The following CD247 variants were observed in gnomAD, a reference collection of about 807,000 sequenced individuals.
CD247 encodes T-cell surface glycoprotein CD3 zeta chain.
In CD247, 13 loss-of-function variants were observed where a neutral mutation model predicts 30.0. That is an observed-to-expected ratio of 0.43 (90% CI 0.28 to 0.69). The LOEUF is 0.69. Ranked by LOEUF, CD247 falls within the 30% of genes least tolerant of loss-of-function variation. CD247 has a pLI of 0.16. For synonymous variants in CD247, 72 were observed against 80.0 expected (o/e 0.90, Z 0.53); for missense variants, 193 against 212.6 (o/e 0.91, Z 0.57).
rs1571519530 is a variant in CD247 at position 167,443,941 on chromosome 1, G to C, written c.59-3174C>G. The stretch of plus-strand genomic sequence containing the variant: ...AGCTCCATGCAGGGATGCAGGACCT[G>C]ATTCAGTTACGCAATTAATTAAATA... On this transcript the variant is annotated intron_variant, in intron 1 of 7. Coordinates refer to ENST00000362089, the MANE Select transcript of CD247 (RefSeq NM_198053.3). Among the ~76,000 whole-genome samples the C allele has an allele frequency of 3.3e-5, 5 of 152,334 alleles. 1 individual carries two copies. The South Asian group carries it at 1.0e-3, about 32-fold the overall frequency.
chr1:167,516,845 G>T (rs1233715089), intron 1 of CD247, among the ~76,000 whole-genome samples: 8 of 152,104 alleles, frequency 5.3e-5, no homozygotes, highest in African/African-American at 1.9e-4. Flanking sequence ...ACCACGCTTG[G>T]CAGCCACCGC....
chr1:167,453,340 C>CA (rs1372007751), intron 1 of CD247, among the ~76,000 whole-genome samples: 1 of 152,148 alleles, frequency 6.6e-6, no homozygotes, highest in African/African-American at 2.4e-5. Flanking sequence ...GCTCATGTGT[C>CA]AGAGCCTGGA....
intron 1 of CD247, among the ~76,000 whole-genome samples, chr1:167,447,337 G>C (rs1475910378): frequency 3.9e-5 from 6 of 152,112 alleles, no homozygotes; most frequent in Non-Finnish European, 7.4e-5. Flanking sequence ...CTGTCATATA[G>C]AGAGCTTCCC....
intron 1 of CD247, among the ~76,000 whole-genome samples, chr1:167,501,693 C>G (rs1214153492): frequency 6.6e-6 from 1 of 152,186 alleles, no homozygotes; most frequent in Admixed American, 6.5e-5. Flanking sequence ...CAGGTGGAGC[C>G]CTGGCAGCTG....
intron 1 of CD247, among the ~76,000 whole-genome samples, chr1:167,441,473 T>G (rs550202608): frequency 6.6e-6 from 1 of 152,238 alleles, no homozygotes; most frequent in Non-Finnish European, 1.5e-5. Flanking sequence ...CTCAGCCTTC[T>G]CTGTCTCCCC....
intron 1 of CD247, among the ~76,000 whole-genome samples, chr1:167,470,941 G>A (rs375586112): frequency 3.5e-4 from 52 of 147,288 alleles, no homozygotes; most frequent in South Asian, 2.6e-3. Flanking sequence ...GCACAATCTC[G>A]GCTCACTGCA....
chr1:167,439,644 G>C, intron 2 of CD247: 2 of 567,782 alleles, frequency 3.5e-6, no homozygotes, highest in East Asian at 6.0e-5. Context: ...CCCAGGACCC[G>C]CTGGAGTTTA....
At chr1:167,436,011 G>A (rs754744020) in intron 4 of CD247, among the ~76,000 whole-genome samples, 1 of 152,200 alleles carries the variant, frequency 6.6e-6, no homozygotes, top group Non-Finnish European at 1.5e-5. Context: ...GCAGCATCTG[G>A]CAGCACTGCC....
In CD247 at chr1:167,451,722, T is replaced by C. The variant is rs562132237; in HGVS notation, c.59-10955A>G. The stretch of plus-strand genomic sequence containing the variant: ...CTCCCAACACCTCAGAATGTGACCG[T>C]ACTTGAAGAAAAGGTCTTGAAAGAG... On this transcript the variant is annotated intron_variant, in intron 1 of 7. Transcript: ENST00000362089. Among the ~76,000 whole-genome samples the C allele has an allele frequency of 5.9e-5, 9 of 152,346 alleles. No homozygotes were observed. In the South Asian group the frequency reaches 1.9e-3, roughly 32 times the overall value.
intron 1 of CD247, among the ~76,000 whole-genome samples, chr1:167,485,651 A>G (rs1654174149): frequency 6.6e-6 from 1 of 152,058 alleles, no homozygotes; most frequent in African/African-American, 2.4e-5. Context: ...TGGGGAGGGT[A>G]TCCCGGCATG....
At chr1:167,497,426 A>T (rs1203491861) in intron 1 of CD247, among the ~76,000 whole-genome samples, 2 of 152,216 alleles carry the variant, frequency 1.3e-5, no homozygotes, top group Admixed American at 1.3e-4. Context: ...AATAAAGTCC[A>T]TTTCATTTTA....
chr1:167,433,113 G>A (rs909628377), intron 6 of CD247, 54 bp from the exon 7 acceptor site: 1 of 1,588,856 alleles, frequency 6.3e-7, no homozygotes, highest in African/African-American at 1.3e-5. Flanking sequence ...GCAGTCAGTA[G>A]TGGCATTTCT....
chr1:167,470,548 A>C (rs1407886146), intron 1 of CD247, among the ~76,000 whole-genome samples: 1 of 150,238 alleles, frequency 6.7e-6, no homozygotes, highest in Admixed American at 6.6e-5. Context: ...AAATACAGAA[A>C]AGCGTGGAAA....
intron 1 of CD247, among the ~76,000 whole-genome samples, chr1:167,443,621 TA>T (rs1299561957): frequency 6.6e-6 from 1 of 152,062 alleles, no homozygotes; most frequent in Non-Finnish European, 1.5e-5. Flanking sequence ...TTAGCACAAA[TA>T]AGAAATATTT....
chr1:167,434,253 A>C, intron 5 of CD247, 177 bp from the exon 6 acceptor site: 1 of 677,714 alleles, frequency 1.5e-6, no homozygotes, highest in Non-Finnish European at 2.7e-6. Context: ...AACCAGCTCC[A>C]GCCCACCCCC....
At chr1:167,493,557 T>A (rs931761760) in intron 1 of CD247, among the ~76,000 whole-genome samples, 1 of 152,214 alleles carries the variant, frequency 6.6e-6, no homozygotes, top group African/African-American at 2.4e-5. Flanking sequence ...GGTGCTATTG[T>A]GCCCATTTTA....
chr1:167,486,956 C>T (rs1654233706), intron 1 of CD247, among the ~76,000 whole-genome samples: 2 of 150,696 alleles, frequency 1.3e-5, no homozygotes, highest in East Asian at 3.9e-4. Context: ...TGCCTGTAAT[C>T]CCAGCTACTT....
intron 1 of CD247, among the ~76,000 whole-genome samples, chr1:167,507,486 A>C (rs1435328759): frequency 6.6e-6 from 1 of 152,100 alleles, no homozygotes; most frequent in Non-Finnish European, 1.5e-5. Context: ...TTCTTTCTTA[A>C]CTGAAATTAT....
intron 1 of CD247, among the ~76,000 whole-genome samples, chr1:167,441,066 T>A (rs1651801312): frequency 6.6e-6 from 1 of 152,164 alleles, no homozygotes; most frequent in African/African-American, 2.4e-5. Flanking sequence ...ACAGAGCTCC[T>A]GCCACTGCAG....
Sources: gnomAD v4.1 joint callset for allele counts (sites outside exome capture counted in the v4.1 genomes callset) on GRCh38, gnomAD v4.1.1 for gene constraint, MANE v1.5 for transcripts, NCBI Gene and HGNC (gene_info 2026-07-23, HGNC 2026-07-21) for gene names.